Variants in CALB1 observed in about 807,000 individuals in gnomAD.
The protein encoded by CALB1 is calbindin 1.
A neutral mutation model predicts 46.7 loss-of-function variants in CALB1; 16 were observed. The observed-to-expected ratio is 0.34, with a 90% CI of 0.23 to 0.52. CALB1 has a LOEUF of 0.52. CALB1 is among the 20% of genes least tolerant of loss of function. The pLI, the probability that CALB1 is intolerant of heterozygous loss-of-function variation, is 0.95. For synonymous variants in CALB1, 90 were observed against 112.8 expected, an observed-to-expected ratio of 0.80 and a Z score of 1.28; for missense variants, 224 against 300.3, an observed-to-expected ratio of 0.75 and a Z score of 1.88.
Position 90,069,171 on chromosome 8 carries a change from A to C in CALB1, c.298T>G (p.Cys100Gly), listed in dbSNP as rs1464285803. ...LLFRCQQLKSCEEFMKTWRKY... is the reference protein window; with the variant it reads ...LLFRCQQLKSGEEFMKTWRKY... ...TCTTATACCTTCATGAATTCCTCAC[A>C]GGACTTCAGCTGCTGGCATCGGAAG... The change falls in exon 4 of 11, where the codon TGT becomes GGT. Residue 100 changes from cysteine (C) to glycine (G), a missense_variant. Transcript: ENST00000265431. The C allele has an allele frequency of 6.2e-7, 1 of 1,614,046 alleles. No homozygotes were observed. Among genetic ancestry groups the C allele is most frequent in the East Asian group, 2.2e-5 (1 of 44,882 alleles).
chr8:90,080,584 A>C (rs2023554), intron 2 of CALB1, among the ~76,000 whole-genome samples: 5,593 of 152,060 alleles, frequency 0.037, 165 homozygotes, highest in East Asian at 0.1. Flanking sequence ...TTTACATGGC[A>C]ATATATAAGA....
chr8:90,069,373 C>T (rs1387210580), intron 3 of CALB1, 136 bp from the exon 4 acceptor site: 10 of 685,754 alleles, frequency 1.5e-5, no homozygotes, highest in Non-Finnish European at 2.1e-5. Flanking sequence ...ACATTAGAGT[C>T]GGCTTTCCCT....
intron 3 of CALB1, among the ~76,000 whole-genome samples, chr8:90,074,168 A>G (rs35044745): frequency 0.61 from 92,999 of 151,906 alleles, 29,015 homozygotes; most frequent in Middle Eastern, 0.71. Flanking sequence ...TAAGTGGGGG[A>G]AAAGGCTTGG....
At chr8:90,074,495 C>A (rs189619342) in intron 3 of CALB1, among the ~76,000 whole-genome samples, 1 of 152,208 alleles carries the variant, frequency 6.6e-6, no homozygotes, top group African/African-American at 2.4e-5. Context: ...CATTAAAATC[C>A]TCAATCAAAA....
chr8:90,070,613 C>T (rs904792570), intron 3 of CALB1, among the ~76,000 whole-genome samples: 4 of 152,042 alleles, frequency 2.6e-5, no homozygotes, highest in African/African-American at 4.8e-5. Flanking sequence ...TCGATTTATA[C>T]GCACCACACA....
intron 5 of CALB1, among the ~76,000 whole-genome samples, chr8:90,067,668 GA>G (rs1814426208): frequency 6.6e-6 from 1 of 152,080 alleles, no homozygotes; most frequent in Non-Finnish European, 1.5e-5. Flanking sequence ...AAACTATGTT[GA>G]ATTATGACTA....
chr8:90,060,226 C>A lies in CALB1; in HGVS notation c.733G>T (p.Gly245Trp), dbSNP rs1487229468. ...GCAAGATCCGTTCGGTACAGCTTCC[C>A]TCCATCCGACAAAGCCATTATGTTC... ...KKNIMALSDG[G>W]KLYRTDLALI... The change falls in exon 11 of 11, where the codon GGG (glycine) becomes TGG (tryptophan). Residue 245 changes from glycine to tryptophan, a missense_variant. Physicochemically the swap from Gly to Trp is radical, Grantham distance 184 (BLOSUM62 -2). Transcript: ENST00000265431. 5.0e-6 allele frequency: 8 copies of A among 1,613,800 alleles called. 1 individual carries two copies.
In CALB1 at chr8:90,060,686, G is replaced by A; in HGVS notation, c.615C>T (p.Tyr205=). The A allele has an allele frequency of 6.2e-7, 1 of 1,613,188 alleles. No homozygotes were observed. Among genetic ancestry groups the A allele is most frequent in the Non-Finnish European group, 8.5e-7 (1 of 1,179,240 alleles). Residue 205 remains tyrosine (Y), a synonymous_variant, in exon 10 of 11, where the codon TAC becomes TAT. Transcript: ENST00000265431. ...AAGCATCCAGTTCATTTTCATCTAT[G>A]TATCCATTGCCGTCCTGGGGGAGGA... is the stretch of plus-strand genomic sequence containing the variant. ...FELYDQDGNG[Y]IDENELDALL...
rs545454556 is a variant in CALB1 at position 90,073,253 on chromosome 8, C to T, written c.232-4016G>A. Among the ~76,000 whole-genome samples, 4 of 152,190 alleles carry T rather than the reference C, an allele frequency of 2.6e-5. No homozygotes were observed. The South Asian group carries it at 8.3e-4, about 32-fold the overall frequency. The stretch of plus-strand genomic sequence containing the variant: ...AGCTGTGAATAGGGGTTGGGGTGGA[C>T]ATTGTGATATGCTACCCAGAACTCC... On this transcript the variant is annotated intron_variant, in intron 3 of 10. Coordinates refer to ENST00000265431, the MANE Select transcript of CALB1 (RefSeq NM_004929.4).
At chr8:90,068,306 T>C (rs1409003091) in intron 5 of CALB1, among the ~76,000 whole-genome samples, 1 of 152,240 alleles carries the variant, frequency 6.6e-6, no homozygotes, top group Non-Finnish European at 1.5e-5. Context: ...ATCTCTGCCT[T>C]TTCCTTTATA....
intron 5 of CALB1, among the ~76,000 whole-genome samples, chr8:90,066,986 G>C (rs1814412275): frequency 6.6e-6 from 1 of 152,044 alleles, no homozygotes; most frequent in African/African-American, 2.4e-5. Flanking sequence ...AAAGGAAAGA[G>C]ACTCTTTTCT....
In CALB1 at chr8:90,060,102, C is replaced by T; in HGVS notation, c.*71G>A. On this transcript the variant is annotated 3_prime_UTR_variant, in exon 11 of 11. Transcript: ENST00000265431. ...TTACAGATATAAAAGAAAATACAGCCTACTCCCTTATAGTGCACAGTTATT... is the reference window on the plus strand; with the variant it reads ...TTACAGATATAAAAGAAAATACAGCTTACTCCCTTATAGTGCACAGTTATT... 1 of 846,582 alleles carries T rather than the reference C, an allele frequency of 1.2e-6. No homozygotes were observed. Among genetic ancestry groups the T allele is most frequent in the Non-Finnish European group, 2.1e-6 (1 of 486,420 alleles). The allele number at this position is 846,582 out of a possible 1,614,324, so 52.4% of individuals were successfully genotyped here. A position where few individuals can be genotyped will look rare whatever the true frequency, so the allele number is the denominator to read the frequency against.
intron 6 of CALB1, chr8:90,064,467 T>C (rs1385279244): frequency 6.6e-6 from 1 of 151,740 alleles, no homozygotes; most frequent in Non-Finnish European, 1.5e-5. Context: ...TCTCGATTAA[T>C]TTGCTTCCTG....
chr8:90,075,385 T>A (rs977099123), intron 3 of CALB1, among the ~76,000 whole-genome samples: 1 of 152,192 alleles, frequency 6.6e-6, no homozygotes, highest in Non-Finnish European at 1.5e-5. Context: ...TAAGTAAGCA[T>A]AACATATAAG....
At position 90,060,678 on chromosome 8, in the gene CALB1, T is replaced by C. The variant is rs780202916; in HGVS notation, c.623A>G (p.Glu208Gly). The stretch of plus-strand genomic sequence containing the variant: ...CTTCAGTAAAGCATCCAGTTCATTT[T>C]CATCTATGTATCCATTGCCGTCCTG... ...YDQDGNGYID[E>G]NELDALLKDL... Residue 208 changes from glutamate to glycine, a missense_variant, in exon 10 of 11, where the codon GAA becomes GGA. Glu to Gly is a moderately conservative substitution (Grantham distance 98). Transcript: ENST00000265431. The C allele has an allele frequency of 6.2e-7, 1 of 1,613,768 alleles. No individual in the cohort carries two copies. The highest frequency in any genetic ancestry group is 8.5e-7 in the Non-Finnish European group (1 of 1,179,678).
In CALB1 at chr8:90,062,919, G is replaced by A. The variant is rs555345508; in HGVS notation, c.600+181C>T. The A allele has an allele frequency of 4.5e-4, 227 of 499,214 alleles. 1 individual carries two copies. Among genetic ancestry groups the A allele is most frequent in the Non-Finnish European group, 7.5e-4 (212 of 281,260 alleles). The allele number at this position is 499,214 out of a possible 1,614,324, so 30.9% of individuals were successfully genotyped here. A position where few individuals can be genotyped will look rare whatever the true frequency, so the allele number is the denominator to read the frequency against. ...CAGGGCTGGGGGAAGGAGAAATGAC[G>A]AGTTACTCATCAATGGGCATAAAGT... On this transcript the variant is annotated intron_variant, in intron 9 of 10. Coordinates refer to ENST00000265431, the MANE Select transcript of CALB1 (RefSeq NM_004929.4).
intron 3 of CALB1, 63 bp from the exon 4 acceptor site, chr8:90,069,300 TA>T: frequency 2.4e-6 from 3 of 1,227,108 alleles, no homozygotes; most frequent in Non-Finnish European, 3.6e-6. Flanking sequence ...TCTCTGCCAT[TA>T]CCTGCTGCTT....
Position 90,065,911 on chromosome 8 carries a change from T to C in CALB1, c.437A>G (p.Tyr146Cys), listed in dbSNP as rs2130228225. Residue 146 changes from tyrosine to cysteine, a missense_variant, in exon 6 of 11, where the codon TAT becomes TGT. Physicochemically the swap from Tyr to Cys is radical, Grantham distance 194 (BLOSUM62 -2). Coordinates refer to ENST00000265431, the MANE Select transcript of CALB1 (RefSeq NM_004929.4). ...KTVDDTKLAE[Y>C]TDLMLKLFDS... The stretch of plus-strand genomic sequence containing the variant: ...GATCAGTCTTACCATTAGGTCTGTA[T>C]ACTCGGCTAATTTTGTGTCATCAAC... 1 of 1,608,698 alleles carries C rather than the reference T, an allele frequency of 6.2e-7. No individual in the cohort carries two copies. The highest frequency in any genetic ancestry group is 8.5e-7 in the Non-Finnish European group (1 of 1,175,428).
At chr8:90,082,533 T>C (rs1814750935) in intron 1 of CALB1, 86 bp downstream of exon 1, 3 of 1,047,040 alleles carry the variant, frequency 2.9e-6, no homozygotes, top group Non-Finnish European at 4.5e-6. Flanking sequence ...GGAGGGATAA[T>C]GGGATCAGGA....
Sources: allele counts gnomAD v4.1 joint callset (sites outside exome capture counted in the v4.1 genomes callset), GRCh38; gene constraint gnomAD v4.1.1; transcripts MANE v1.5; gene names NCBI Gene and HGNC (gene_info 2026-07-23, HGNC 2026-07-21).